Variants in OSBPL6 observed in about 807,000 individuals in gnomAD.
OSBPL6 encodes the protein oxysterol-binding protein-related protein 6.
Under a neutral mutation model 125.8 loss-of-function variants are expected in OSBPL6, and 49 were observed. That is an observed-to-expected ratio of 0.39 (90% confidence interval 0.31 to 0.49). The LOEUF is 0.49. OSBPL6 is among the 20% of genes least tolerant of loss of function. OSBPL6 has a pLI of 0.88. For synonymous variants in OSBPL6, 394 were observed against 391.8 expected (o/e 1.01, Z -0.07); for missense variants, 986 against 1,135.4 (o/e 0.87, Z 1.89).
At chr2:178,388,647 C>G (rs1695148446) in intron 20 of OSBPL6, among the ~76,000 whole-genome samples, 1 of 152,156 alleles carries the variant, frequency 6.6e-6, no homozygotes, top group Non-Finnish European at 1.5e-5. Flanking sequence ...GACACTCATC[C>G]CACGTTCCAG....
intron 1 of OSBPL6, among the ~76,000 whole-genome samples, chr2:178,282,194 G>A (rs12467696): frequency 0.15 from 22,112 of 152,206 alleles, 1,761 homozygotes; most frequent in Admixed American, 0.22. Context: ...AGACTATGGC[G>A]AAAGAAGAAG....
intron 1 of OSBPL6, among the ~76,000 whole-genome samples, chr2:178,269,581 A>G (rs1277085985): frequency 6.6e-6 from 1 of 152,208 alleles, no homozygotes; most frequent in African/African-American, 2.4e-5. Context: ...TAAAATGTAT[A>G]AAGACTCTGG....
chr2:178,375,120 G>C (rs1249334931), intron 15 of OSBPL6, among the ~76,000 whole-genome samples: 1 of 152,076 alleles, frequency 6.6e-6, no homozygotes, highest in African/African-American at 2.4e-5. Context: ...GCTAATTAGT[G>C]CCTCTTTTCC....
intron 15 of OSBPL6, among the ~76,000 whole-genome samples, chr2:178,381,985 A>G (rs1694522212): frequency 6.6e-6 from 1 of 152,102 alleles, no homozygotes; most frequent in African/African-American, 2.4e-5. Flanking sequence ...GGCAACTCCT[A>G]TTCATTCTCT....
At chr2:178,241,749 C>A (rs150227134) in intron 1 of OSBPL6, among the ~76,000 whole-genome samples, 3 of 152,036 alleles carry the variant, frequency 2.0e-5, no homozygotes, top group Admixed American at 1.3e-4. Flanking sequence ...AAAGTTGTGC[C>A]AAGTTAAAAT....
At chr2:178,250,365 C>T (rs950325428) in intron 1 of OSBPL6, among the ~76,000 whole-genome samples, 2 of 152,194 alleles carry the variant, frequency 1.3e-5, no homozygotes, top group African/African-American at 4.8e-5. Context: ...CTATCCCAGA[C>T]CAGGCCAGCA....
intron 1 of OSBPL6, among the ~76,000 whole-genome samples, chr2:178,267,922 C>G (rs1381655348): frequency 6.6e-6 from 1 of 151,974 alleles, no homozygotes; most frequent in Non-Finnish European, 1.5e-5. Context: ...TCCATACTTC[C>G]TAATGATGAA....
chr2:178,356,098 A>T (rs1691760132), intron 12 of OSBPL6, among the ~76,000 whole-genome samples: 1 of 152,212 alleles, frequency 6.6e-6, no homozygotes, highest in African/African-American at 2.4e-5. Context: ...CAAAATAATA[A>T]GATCTATTTA....
At chr2:178,394,165 C>T in intron 23 of OSBPL6, 148 bp from the exon 24 acceptor site, 1 of 985,744 alleles carries the variant, frequency 1.0e-6, no homozygotes, top group Non-Finnish European at 1.5e-6. Context: ...CACCACTGCA[C>T]TCCAGCCTGG....
chr2:178,374,371 T>C (rs1342232270), intron 15 of OSBPL6, among the ~76,000 whole-genome samples: 3 of 152,114 alleles, frequency 2.0e-5, no homozygotes, highest in Non-Finnish European at 4.4e-5. Flanking sequence ...ATAGAAAGAA[T>C]GAGAGAATTA....
rs1372061140 is a variant in OSBPL6, at chr2:178,331,584, G to C, written c.351G>C (p.Lys117Asn). Residue 117 changes from lysine to asparagine, a missense_variant, in exon 6 of 25, where the codon AAG becomes AAC. By Grantham distance (94) the Lys-to-Asn change is moderately conservative (BLOSUM62 0). This residue lies in a region of OSBPL6 where 13 missense variants were observed against 31.7 expected (regional missense o/e 0.41). Coordinates refer to ENST00000190611, the MANE Select transcript of OSBPL6 (RefSeq NM_032523.4). ...RFFVLDNGMLKYSKAPLDIQK... is the reference protein window; with the variant it reads ...RFFVLDNGMLNYSKAPLDIQK... The stretch of plus-strand genomic sequence containing the variant: ...TTGTCCTGGATAATGGAATGTTAAA[G>C]TATTCAAAGGCACCACTCGATGTAA... 6.2e-7 allele frequency: 1 copy of C among 1,614,082 alleles called. No homozygotes were observed. The highest frequency in any genetic ancestry group is 8.5e-7 in the Non-Finnish European group (1 of 1,179,984).
At chr2:178,334,984 C>T (rs1397572885) in intron 8 of OSBPL6, among the ~76,000 whole-genome samples, 1 of 152,196 alleles carries the variant, frequency 6.6e-6, no homozygotes, top group Admixed American at 6.5e-5. Flanking sequence ...TGGGAACTTA[C>T]AGATGCCCAA....
chr2:178,347,287 G>A (rs1297384709), intron 11 of OSBPL6, among the ~76,000 whole-genome samples: 1 of 152,088 alleles, frequency 6.6e-6, no homozygotes, highest in Non-Finnish European at 1.5e-5. Context: ...GAGGGCACCT[G>A]AATGCAGATA....
At chr2:178,387,631 C>A (rs1440949362) in intron 20 of OSBPL6, among the ~76,000 whole-genome samples, 4 of 152,184 alleles carry the variant, frequency 2.6e-5, no homozygotes, top group Non-Finnish European at 5.9e-5. Context: ...ATTTGAATGA[C>A]AGAATTTCCA....
intron 12 of OSBPL6, among the ~76,000 whole-genome samples, chr2:178,360,053 C>G (rs531062298): frequency 6.7e-6 from 1 of 149,886 alleles, no homozygotes; most frequent in Non-Finnish European, 1.5e-5. Flanking sequence ...CCGCTGCACT[C>G]CATCCTGGGT....
intron 2 of OSBPL6, among the ~76,000 whole-genome samples, chr2:178,298,041 A>G (rs1396857685): frequency 6.6e-6 from 1 of 152,216 alleles, no homozygotes; most frequent in Non-Finnish European, 1.5e-5. Flanking sequence ...ACAGACCCTG[A>G]TAACCACCAT....
rs766326802 is a variant in OSBPL6 at position 178,384,106 on chromosome 2, T to A, written c.1943T>A (p.Phe648Tyr). 6.2e-7 allele frequency: 1 copy of A among 1,614,192 alleles called. No individual in the cohort carries two copies. The highest frequency in any genetic ancestry group is 1.1e-5 in the South Asian group (1 of 91,076). Residue 648 changes from phenylalanine to tyrosine, a missense_variant, in exon 18 of 25, where the codon TTC becomes TAC. Around this residue, in one of 3 missense-constraint regions of OSBPL6, gnomAD observed 843 missense variants for 997.3 expected, o/e 0.85. Coordinates refer to ENST00000190611, the MANE Select transcript of OSBPL6 (RefSeq NM_032523.4). ...STYFRAGSKP[F>Y]NPVLGETYEC... ...TATTTCAGAGCAGGAAGTAAGCCAT[T>A]CAACCCAGTCCTTGGGGAGACTTAT... is the stretch of plus-strand genomic sequence containing the variant.
chr2:178,267,353 C>CAA (rs57444695), intron 1 of OSBPL6, among the ~76,000 whole-genome samples: 129 of 81,518 alleles, frequency 1.6e-3, no homozygotes, highest in South Asian at 3.2e-3. Context: ...AACTCCATCT[C>CAA]AAAAAAAAAA....
At chr2:178,267,292 T>G (rs1205745915) in intron 1 of OSBPL6, among the ~76,000 whole-genome samples, 1 of 147,004 alleles carries the variant, frequency 6.8e-6, no homozygotes, top group African/African-American at 2.5e-5. Context: ...AGGCGGAGGT[T>G]GCAGTGAGCT....
Sources: gnomAD v4.1 joint callset for allele counts (sites outside exome capture counted in the v4.1 genomes callset) on GRCh38, gnomAD v4.1.1 for gene constraint, gnomAD v4.1.1 regional missense constraint, MANE v1.5 for transcripts, NCBI Gene and HGNC (gene_info 2026-07-23, HGNC 2026-07-21) for gene names.